The following FHIT variants were observed in gnomAD, a reference collection of about 807,000 sequenced individuals.
FHIT encodes bis(5'-adenosyl)-triphosphatase.
FHIT carries 19 observed loss-of-function variants against 17.9 expected under a neutral mutation model. The observed-to-expected ratio is 1.06, with a 90% CI of 0.74 to 1.56. FHIT has a LOEUF of 1.56. FHIT is among the 40% of genes most tolerant of loss of function. FHIT has a pLI of 0.00. For synonymous variants in FHIT, 81 were observed against 69.7 expected (o/e 1.16, Z -0.81); for missense variants, 248 against 189.2 (o/e 1.31, Z -1.82).
intron 8 of FHIT, among the ~76,000 whole-genome samples, chr3:59,768,936 T>C (rs1004589556): frequency 1.3e-5 from 2 of 152,232 alleles, no homozygotes; most frequent in African/African-American, 4.8e-5. Context: ...TCTTACAGCA[T>C]AATAAACTTA....
chr3:60,158,850 A>G (rs77571890), intron 5 of FHIT, among the ~76,000 whole-genome samples: 1 of 151,616 alleles, frequency 6.6e-6, no homozygotes, highest in Non-Finnish European at 1.5e-5. Flanking sequence ...CTCTCCCCCA[A>G]ATCACCCAAA....
chr3:61,207,172 C>T (rs1476961407), intron 1 of FHIT, among the ~76,000 whole-genome samples: 2 of 152,190 alleles, frequency 1.3e-5, no homozygotes, highest in African/African-American at 4.8e-5. Context: ...ATGAAACCCA[C>T]TTGATCATGG....
intron 4 of FHIT, among the ~76,000 whole-genome samples, chr3:60,594,288 G>A (rs1040047480): frequency 1.3e-5 from 2 of 152,058 alleles, no homozygotes; most frequent in Non-Finnish European, 2.9e-5. Flanking sequence ...CACACATACA[G>A]CGAACACAAC....
intron 9 of FHIT, 110 bp downstream of exon 9, chr3:59,752,111 C>A: frequency 1.4e-6 from 1 of 708,828 alleles, no homozygotes; most frequent in East Asian, 2.8e-5. Context: ...TTTGCAGCCA[C>A]CACCCAAGGA....
chr3:60,569,775 G>C (rs2037309177), intron 4 of FHIT, among the ~76,000 whole-genome samples: 1 of 24,264 alleles, frequency 4.1e-5, no homozygotes, highest in Admixed American at 4.5e-4. Context: ...TTTTTAGACA[G>C]AGTTTTGCTA....
intron 2 of FHIT, among the ~76,000 whole-genome samples, chr3:61,110,609 T>C (rs1179323213): frequency 6.6e-6 from 1 of 152,184 alleles, no homozygotes; most frequent in Non-Finnish European, 1.5e-5. Context: ...CATGGTCTGT[T>C]CTACTCATTC....
intron 8 of FHIT, among the ~76,000 whole-genome samples, chr3:59,767,535 G>A (rs1701863628): frequency 6.6e-6 from 1 of 152,172 alleles, no homozygotes; most frequent in Non-Finnish European, 1.5e-5. Context: ...GGCTGAAGGA[G>A]AGATGCCCTC....
At chr3:60,001,471 A>G (rs1699726370) in intron 7 of FHIT, among the ~76,000 whole-genome samples, 1 of 152,186 alleles carries the variant, frequency 6.6e-6, no homozygotes. Context: ...TGCCAGATAG[A>G]AAAACATGAG....
rs2038530590 is a variant in FHIT, at chr3:61,186,870, CCTT to C, written c.-164+13744_-164+13746del. ...TTACAAGCTGAATCCCTCCTCCTGTCCTTCTTTTCAGATCTTAACTTAAACGTC... is the reference window on the plus strand; with the variant it reads ...TTACAAGCTGAATCCCTCCTCCTGTCCTTTTCAGATCTTAACTTAAACGTC... On this transcript the variant is annotated intron_variant, in intron 2 of 9. Transcript: ENST00000492590. Among the ~76,000 whole-genome samples the C allele has an allele frequency of 7.9e-5, 12 of 152,334 alleles. No homozygotes were observed. In the South Asian group the frequency reaches 2.3e-3, roughly 29 times the overall value.
intron 8 of FHIT, among the ~76,000 whole-genome samples, chr3:59,875,154 C>T (rs557521100): frequency 2.6e-5 from 4 of 152,316 alleles, no homozygotes; most frequent in East Asian, 1.9e-4. Flanking sequence ...CTGACAACCA[C>T]GTCTGCAGGG....
chr3:60,150,967 T>A (rs1320599289), intron 5 of FHIT, among the ~76,000 whole-genome samples: 2 of 152,128 alleles, frequency 1.3e-5, no homozygotes, highest in Non-Finnish European at 2.9e-5. Context: ...GAACTGAAAT[T>A]TACTTCACAA....
intron 3 of FHIT, among the ~76,000 whole-genome samples, chr3:60,925,525 C>T (rs1163878238): frequency 1.3e-5 from 2 of 152,174 alleles, no homozygotes; most frequent in Non-Finnish European, 1.5e-5. Flanking sequence ...GATTTTGTCA[C>T]CACCAGGCCT....
chr3:60,735,242 C>T (rs1461447244), intron 4 of FHIT, among the ~76,000 whole-genome samples: 4 of 152,170 alleles, frequency 2.6e-5, no homozygotes, highest in Non-Finnish European at 5.9e-5. Flanking sequence ...AACTGCATAG[C>T]ACAATGGACA....
intron 5 of FHIT, among the ~76,000 whole-genome samples, chr3:60,237,438 C>T (rs1704863150): frequency 6.6e-6 from 1 of 151,980 alleles, no homozygotes. Flanking sequence ...TTTCAGCTTA[C>T]ATCCCAGTAA....
chr3:60,915,325 T>C (rs1553766865), intron 3 of FHIT, among the ~76,000 whole-genome samples: 2 of 152,194 alleles, frequency 1.3e-5, no homozygotes, highest in African/African-American at 4.8e-5. Context: ...ACACAGCTTT[T>C]GGCCACACAG....
chr3:60,753,847 C>G (rs948107278), intron 4 of FHIT, among the ~76,000 whole-genome samples: 3 of 152,038 alleles, frequency 2.0e-5, no homozygotes, highest in Non-Finnish European at 2.9e-5. Context: ...TAACTCTTCA[C>G]TAAGTAGGGC....
At chr3:60,434,609 G>A (rs898899205) in intron 5 of FHIT, among the ~76,000 whole-genome samples, 4 of 151,998 alleles carry the variant, frequency 2.6e-5, no homozygotes, top group Admixed American at 2.6e-4. Flanking sequence ...TCTATTTCAG[G>A]TTTTAATAAC....
intron 2 of FHIT, among the ~76,000 whole-genome samples, chr3:61,197,600 A>G (rs1163610433): frequency 6.6e-6 from 1 of 152,224 alleles, no homozygotes; most frequent in Non-Finnish European, 1.5e-5. Context: ...GCAATGCCAG[A>G]ACTGGAAGTA....
Position 61,003,108 on chromosome 3 carries a change from A to G in FHIT, c.-111+38939T>C, listed in dbSNP as rs532983829. ...AGTGATATAAAATTAAAACTAAAGC[A>G]CAGGAGAAGAATCTTAGGTTTTTAT... On this transcript the variant is annotated intron_variant, in intron 3 of 9. Coordinates refer to ENST00000492590, the MANE Select transcript of FHIT (RefSeq NM_002012.4). 6.6e-5 allele frequency among the ~76,000 whole-genome samples: 10 copies of G among 152,330 alleles called. No individual in the cohort carries two copies. The South Asian group carries it at 2.1e-3, about 32-fold the overall frequency.
Sources: allele counts gnomAD v4.1 joint callset (sites outside exome capture counted in the v4.1 genomes callset), GRCh38; gene constraint gnomAD v4.1.1; transcripts MANE v1.5; gene names NCBI Gene and HGNC (gene_info 2026-07-23, HGNC 2026-07-21).